WBP2NL: variants seen among roughly 807,000 people sequenced by gnomAD.
WBP2NL encodes the protein postacrosomal sheath WW domain-binding protein.
In WBP2NL, 27 loss-of-function variants were observed where a neutral mutation model predicts 23.3. The ratio of observed to expected loss-of-function variants is 1.16; its 90% CI spans 0.85 to 1.60. The LOEUF is 1.60. Ranked by LOEUF, WBP2NL falls within the 40% of genes most tolerant of loss-of-function variation. The pLI is 0.00. For missense variants in WBP2NL, 370 were observed against 389.5 expected (o/e 0.95, Z 0.42); for synonymous variants, 151 against 145.9 (o/e 1.03, Z -0.25).
chr22:42,017,137 C>A (rs944782119), intron 1 of WBP2NL, among the ~76,000 whole-genome samples: 23 of 151,906 alleles, frequency 1.5e-4, no homozygotes, highest in Admixed American at 9.8e-4. Context: ...CTCTCTCTCT[C>A]TTTTTTTTGA....
At chr22:42,011,773 C>CTTG (rs1231920358) in intron 1 of WBP2NL, among the ~76,000 whole-genome samples, 3 of 149,248 alleles carry the variant, frequency 2.0e-5, no homozygotes, top group Non-Finnish European at 4.5e-5. Flanking sequence ...TGTTGTTTTT[C>CTTG]TTGTTGTTGT....
chr22:42,007,644 A>G (rs1398967839), intron 1 of WBP2NL, among the ~76,000 whole-genome samples: 2 of 152,208 alleles, frequency 1.3e-5, no homozygotes, highest in Non-Finnish European at 2.9e-5. Context: ...ATGTAAGTGT[A>G]ATGACAATAT....
intron 8 of WBP2NL, among the ~76,000 whole-genome samples, chr22:42,057,381 C>CT (rs1263273818): frequency 4.6e-5 from 7 of 152,134 alleles, no homozygotes; most frequent in Non-Finnish European, 1.0e-4. Context: ...TTCTTCCCCA[C>CT]TACAGTTTTA....
At chr22:42,006,401 T>C (rs968231220) in intron 1 of WBP2NL, among the ~76,000 whole-genome samples, 5 of 152,146 alleles carry the variant, frequency 3.3e-5, no homozygotes, top group African/African-American at 1.2e-4. Flanking sequence ...TTTGTATTTT[T>C]AGTAGAGACT....
chr22:42,026,675 T>C, intron 5 of WBP2NL, 91 bp from the exon 6 acceptor site: 1 of 1,530,932 alleles, frequency 6.5e-7, no homozygotes, highest in South Asian at 1.3e-5. Flanking sequence ...TTGCGTCAGT[T>C]TGCTTCAGCA....
At chr22:42,023,645 C>A (rs1056652876) in intron 5 of WBP2NL, among the ~76,000 whole-genome samples, 1 of 152,110 alleles carries the variant, frequency 6.6e-6, no homozygotes, top group South Asian at 2.1e-4. Flanking sequence ...GCGCCCGCCA[C>A]CACGCCCGGC....
intron 8 of WBP2NL, among the ~76,000 whole-genome samples, chr22:42,044,751 G>T (rs1925519677): frequency 6.6e-6 from 1 of 152,156 alleles, no homozygotes; most frequent in African/African-American, 2.4e-5. Context: ...GCTGCAGTGG[G>T]CCATGTTCAT....
chr22:42,055,832 T>A (rs977482570), intron 8 of WBP2NL, among the ~76,000 whole-genome samples: 10 of 152,190 alleles, frequency 6.6e-5, no homozygotes, highest in African/African-American at 2.4e-4. Context: ...TTTTCTGATA[T>A]TAACATAGAC....
chr22:42,019,338 G>T lies in WBP2NL; in HGVS notation c.90G>T (p.Glu30Asp). ...ESLLKRSPNV[E>D]LSFPQRSEGS... ...TCTTGAAGCGGTCTCCGAATGTGGA[G>T]CTCTCCTTCCCACAGCGATCAGAAG... The change falls in exon 2 of 6, where the codon GAG (glutamate) becomes GAT (aspartate). Residue 30 changes from glutamate to aspartate, a missense_variant. Transcript: ENST00000328823. 6.2e-7 allele frequency: 1 copy of T among 1,614,100 alleles called. No individual in the cohort carries two copies. The highest frequency in any genetic ancestry group is 1.1e-5 in the South Asian group (1 of 91,066).
In WBP2NL at chr22:42,020,236, C is replaced by T. The variant is rs1336571696; in HGVS notation, c.406+140C>T. 1.5e-5 allele frequency: 12 copies of T among 800,302 alleles called. No individual in the cohort carries two copies. The East Asian group carries it at 2.0e-4, about 13-fold the overall frequency. 49.6% of individuals were successfully genotyped at this position (800,302 alleles called of 1,614,324 possible). On this transcript the variant is annotated intron_variant, in intron 4 of 5. Coordinates refer to ENST00000328823, the MANE Select transcript of WBP2NL (RefSeq NM_152613.3). Reference sequence around the variant, plus strand: ...TTTGTATTTTTGTAAGTCGGGGTTTCACCATGTTGCCCAGGCTGGTCTCGA... The same window carrying T: ...TTTGTATTTTTGTAAGTCGGGGTTTTACCATGTTGCCCAGGCTGGTCTCGA...
downstream of WBP2NL, among the ~76,000 whole-genome samples, chr22:42,037,522 G>C (rs1318780572): frequency 1.3e-5 from 2 of 151,894 alleles, no homozygotes; most frequent in Non-Finnish European, 2.9e-5. Context: ...CATTGAATCT[G>C]TAGATTGCTT....
At chr22:42,019,598 C>A in intron 2 of WBP2NL, 64 bp from the exon 3 acceptor site, 1 of 1,602,642 alleles carries the variant, frequency 6.2e-7, no homozygotes, top group South Asian at 1.1e-5. Flanking sequence ...GCACCTTGCT[C>A]TTGTAAGTCT....
At chr22:42,056,815 T>C (rs1926052961) in intron 8 of WBP2NL, among the ~76,000 whole-genome samples, 1 of 152,074 alleles carries the variant, frequency 6.6e-6, no homozygotes, top group Non-Finnish European at 1.5e-5. Context: ...GAAAATGGGG[T>C]ATCTAGTGCC....
chr22:42,057,477 G>A (rs1926084925), intron 8 of WBP2NL, among the ~76,000 whole-genome samples: 1 of 151,200 alleles, frequency 6.6e-6, no homozygotes, highest in Non-Finnish European at 1.5e-5. Context: ...CTTTGAACAT[G>A]TTTAAAATAG....
chr22:42,009,792 G>T (rs1346835095), intron 1 of WBP2NL, among the ~76,000 whole-genome samples: 3 of 152,090 alleles, frequency 2.0e-5, no homozygotes, highest in Admixed American at 2.0e-4. Flanking sequence ...GCTTTTTGGG[G>T]TCCCTTGAGA....
At chr22:42,010,760 G>T (rs529984129) in intron 1 of WBP2NL, among the ~76,000 whole-genome samples, 3 of 152,090 alleles carry the variant, frequency 2.0e-5, no homozygotes, top group Non-Finnish European at 4.4e-5. Context: ...GGATGATCTC[G>T]ATCTCCTGAC....
intron 1 of WBP2NL, among the ~76,000 whole-genome samples, chr22:42,017,414 TA>T (rs1324101290): frequency 2.0e-5 from 3 of 152,192 alleles, no homozygotes; most frequent in Non-Finnish European, 4.4e-5. Flanking sequence ...CCAGCCAGAA[TA>T]CTACCCATCT....
downstream of WBP2NL, among the ~76,000 whole-genome samples, chr22:42,029,365 A>G (rs1232274230): frequency 6.6e-6 from 1 of 150,522 alleles, no homozygotes; most frequent in Admixed American, 6.6e-5. Flanking sequence ...TTAAATCAAT[A>G]TATTTTCTAT....
chr22:42,026,282 TAATA>T (rs1469574613), intron 5 of WBP2NL, among the ~76,000 whole-genome samples: 2 of 38,966 alleles, frequency 5.1e-5, no homozygotes, highest in Non-Finnish European at 1.1e-4. Context: ...AAAATAATAA[TAATA>T]ATAATAATAA....
Sources: allele counts gnomAD v4.1 joint callset (sites outside exome capture counted in the v4.1 genomes callset), GRCh38; gene constraint gnomAD v4.1.1; transcripts MANE v1.5; gene names NCBI Gene and HGNC (gene_info 2026-07-23, HGNC 2026-07-21).